KIF15: variants seen among roughly 807,000 people sequenced by gnomAD.
KIF15 encodes the protein kinesin family member 15, also known as kinesin-like protein KIF15.
Under a neutral mutation model 190.6 loss-of-function variants are expected in KIF15, and 140 were observed. That is an observed-to-expected ratio of 0.73 (90% confidence interval 0.64 to 0.84). The LOEUF is 0.84. Among genes scored for constraint, KIF15 ranks in the 40% least tolerant of loss-of-function variants. The probability of loss-of-function intolerance (pLI) is 0.00; values close to 1 mark genes in which losing one functional copy is unlikely to be tolerated. For missense variants in KIF15, 1,372 were observed against 1,584.4 expected (o/e 0.87, Z 2.28); for synonymous variants, 528 against 551.3 (o/e 0.96, Z 0.59).
intron 34 of KIF15, 65 bp from the exon 35 acceptor site, chr3:44,852,608 A>T: frequency 7.8e-7 from 1 of 1,284,974 alleles, no homozygotes; most frequent in Non-Finnish European, 1.1e-6. Flanking sequence ...AATGCAAAAA[A>T]AAACCACTTC....
At chr3:44,836,159 C>T (rs1698298954) in intron 26 of KIF15, among the ~76,000 whole-genome samples, 1 of 152,050 alleles carries the variant, frequency 6.6e-6, no homozygotes, top group Non-Finnish European at 1.5e-5. Context: ...CCAGCCTGCC[C>T]AACATGACGA....
chr3:44,853,690 C>G (rs897636296), downstream of KIF15, among the ~76,000 whole-genome samples: 1 of 152,214 alleles, frequency 6.6e-6, no homozygotes, highest in Non-Finnish European at 1.5e-5. Flanking sequence ...TCCAATTTCT[C>G]CACATTTTCA....
At chr3:44,771,781 A>G (rs1003823828) in intron 1 of KIF15, among the ~76,000 whole-genome samples, 36 of 152,248 alleles carry the variant, frequency 2.4e-4, no homozygotes, top group African/African-American at 8.2e-4. Flanking sequence ...TGGAAAAGCC[A>G]TATAATACCC....
chr3:44,784,503 T>C (rs921319670), intron 5 of KIF15, among the ~76,000 whole-genome samples: 73 of 152,298 alleles, frequency 4.8e-4, no homozygotes, highest in African/African-American at 1.5e-3. Context: ...GTGATATTTA[T>C]TACCATTATT....
chr3:44,852,994 A>G lies in KIF15; in HGVS notation c.*259A>G, dbSNP rs1409076131. 1 of 277,508 alleles carries G rather than the reference A, an allele frequency of 3.6e-6. No individual in the cohort carries two copies. The highest frequency in any genetic ancestry group is 2.2e-5 in the African/African-American group (1 of 45,202). 17.2% of individuals were successfully genotyped at this position (277,508 alleles called of 1,614,324 possible). The stretch of plus-strand genomic sequence containing the variant: ...TTAAGGGAAAACCTTTTGTCTTTGT[A>G]AAAATAAAAGCCTGTAGCTAAGGTT... On this transcript the variant is annotated 3_prime_UTR_variant, in exon 35 of 35. Coordinates refer to ENST00000326047, the MANE Select transcript of KIF15 (RefSeq NM_020242.3).
intron 34 of KIF15, 42 bp from the exon 35 acceptor site, chr3:44,852,631 G>C (rs767897606): frequency 7.0e-7 from 1 of 1,428,736 alleles, no homozygotes; most frequent in Non-Finnish European, 9.6e-7. Context: ...GTAAGAATTA[G>C]AGCCTTATTT....
In KIF15 at chr3:44,847,960, C is replaced by T. The variant is rs772604391; in HGVS notation, c.3696-25C>T. On this transcript the variant is annotated intron_variant, in intron 30 of 34. Coordinates refer to ENST00000326047, the MANE Select transcript of KIF15 (RefSeq NM_020242.3). The stretch of plus-strand genomic sequence containing the variant: ...ACTTAGCAGTGTTTTCCTATGCCTC[C>T]TCCCACCCCTGTTAATCTATGCAGT... 3.9e-6 allele frequency: 6 copies of T among 1,550,236 alleles called. No individual in the cohort carries two copies. The South Asian group carries it at 5.9e-5, about 15-fold the overall frequency.
intron 19 of KIF15, 86 bp from the exon 20 acceptor site, chr3:44,814,824 AT>A: frequency 1.9e-6 from 2 of 1,033,466 alleles, no homozygotes; most frequent in Non-Finnish European, 1.3e-6. Context: ...CTTCGACTTG[AT>A]TTTGCTAATT....
Position 44,861,756 on chromosome 3 carries a change from G to A in KIF15, c.*59+8962G>A, listed in dbSNP as rs1198854469. On this transcript the variant is annotated intron_variant and NMD_transcript_variant, in intron 6 of 6. Coordinates refer to the KIF15 transcript ENST00000422209. ...TAGGCCGGAGGCCGCCACAGCCCAGGGTCTCTGCCACCTGGCCCGCCCCCT... is the reference window on the plus strand; with the variant it reads ...TAGGCCGGAGGCCGCCACAGCCCAGAGTCTCTGCCACCTGGCCCGCCCCCT... The A allele has an allele frequency of 1.6e-5, 11 of 700,464 alleles. No individual in the cohort carries two copies. In the East Asian group the frequency reaches 3.0e-4, roughly 19 times the overall value. 43.4% of individuals were successfully genotyped at this position (700,464 alleles called of 1,614,324 possible). A position where few individuals can be genotyped will look rare whatever the true frequency, so the allele number is the denominator to read the frequency against.
chr3:44,783,221 C>T (rs971670106), intron 5 of KIF15, among the ~76,000 whole-genome samples: 1 of 152,152 alleles, frequency 6.6e-6, no homozygotes, highest in Non-Finnish European at 1.5e-5. Context: ...TTACTTGGCT[C>T]ACAGTTCTGC....
intron 26 of KIF15, among the ~76,000 whole-genome samples, chr3:44,832,951 A>G (rs1698139923): frequency 6.7e-6 from 1 of 150,266 alleles, no homozygotes. Flanking sequence ...CAGAGGTTGC[A>G]GCAAGCTGAG....
chr3:44,820,903 C>G, intron 20 of KIF15, among the ~76,000 whole-genome samples: 1 of 152,284 alleles, frequency 6.6e-6, no homozygotes, highest in South Asian at 2.1e-4. Flanking sequence ...GGCAGAGGGG[C>G]TCCTCACCTC....
intron 20 of KIF15, among the ~76,000 whole-genome samples, chr3:44,816,290 C>T (rs1450113778): frequency 2.0e-5 from 3 of 151,982 alleles, no homozygotes; most frequent in Non-Finnish European, 2.9e-5. Flanking sequence ...ATGTGCACAA[C>T]GTGCAGGTTT....
At chr3:44,823,547 CTATCAGACAGGGATGTTTAAG>C (rs1697474973) in intron 20 of KIF15, among the ~76,000 whole-genome samples, 1 of 152,356 alleles carries the variant, frequency 6.6e-6, no homozygotes, top group Admixed American at 6.5e-5. Flanking sequence ...CTCTTCAGAG[CTATCAGACAGGGATGTTTAAG>C]TCTGCAGAGG....
intron 10 of KIF15, among the ~76,000 whole-genome samples, chr3:44,798,814 T>G (rs1424498106): frequency 1.3e-5 from 2 of 152,214 alleles, no homozygotes; most frequent in African/African-American, 4.8e-5. Flanking sequence ...TCTGATTCAG[T>G]TCCATCCTGA....
At position 44,865,109 on chromosome 3, in the gene KIF15, C is replaced by A. The variant is rs139324350; in HGVS notation, c.*60-8220C>A. 1.5e-5 allele frequency: 25 copies of A among 1,614,006 alleles called. No homozygotes were observed. In the African/African-American group the frequency reaches 2.9e-4, roughly 19 times the overall value. On this transcript the variant is annotated intron_variant and NMD_transcript_variant, in intron 6 of 6. Coordinates refer to the KIF15 transcript ENST00000422209. ...GTGGTGGGGAGGAGTGTTCCTTATT[C>A]TCTGCGGACTCACCCTAATCCACAG...
Position 44,841,242 on chromosome 3 carries a change from A to G in KIF15, c.3585+4A>G. The G allele has an allele frequency of 6.3e-7, 1 of 1,589,646 alleles. No individual in the cohort carries two copies. Among genetic ancestry groups the G allele is most frequent in the Non-Finnish European group, 8.5e-7 (1 of 1,172,182 alleles). On this transcript the variant is annotated splice_donor_region_variant and intron_variant, in intron 29 of 34. Coordinates refer to ENST00000326047, the MANE Select transcript of KIF15 (RefSeq NM_020242.3). ...TGCTGAAATCCTCAGAATGAAGGTA[A>G]TTGGATTTTTTTTCCAGTAAATTTA...
At chr3:44,806,101 T>G (rs969442258) in intron 16 of KIF15, 115 bp downstream of exon 16, 1 of 1,159,092 alleles carries the variant, frequency 8.6e-7, no homozygotes. Flanking sequence ...TGCAGGTAAT[T>G]AACACCGGTG....
intron 24 of KIF15, among the ~76,000 whole-genome samples, chr3:44,829,444 T>C (rs1404858793): frequency 1.5e-5 from 2 of 137,496 alleles, no homozygotes; most frequent in East Asian, 4.0e-4. Context: ...ATGTATATAT[T>C]ATATACGCAT....
Sources: gnomAD v4.1 joint callset for allele counts (sites outside exome capture counted in the v4.1 genomes callset) on GRCh38, gnomAD v4.1.1 for gene constraint, MANE v1.5 for transcripts, NCBI Gene and HGNC (gene_info 2026-07-23, HGNC 2026-07-21) for gene names.